The following PTPRF variants were observed in gnomAD, a reference collection of about 807,000 sequenced individuals.
PTPRF encodes receptor-type tyrosine-protein phosphatase F.
A neutral mutation model predicts 201.8 loss-of-function variants in PTPRF; 59 were observed. That is an observed-to-expected ratio of 0.29 (90% confidence interval 0.24 to 0.36). The LOEUF (loss-of-function observed/expected upper bound fraction) is 0.36. Ranked by LOEUF, PTPRF falls within the 10% of genes least tolerant of loss-of-function variation. PTPRF has a pLI of 1.00. For missense variants in PTPRF, 2,132 were observed against 2,690.5 expected (o/e 0.79, Z 4.59); for synonymous variants, 1,088 against 1,089.7 (o/e 1.00, Z 0.03).
chr1:43,535,716 A>T (rs1287063240), intron 1 of PTPRF, among the ~76,000 whole-genome samples: 1 of 152,162 alleles, frequency 6.6e-6, no homozygotes, highest in African/African-American at 2.4e-5. Context: ...GATATTGGAC[A>T]TGACTGTGGA....
At chr1:43,612,419 T>C (rs535524305) in intron 22 of PTPRF, among the ~76,000 whole-genome samples, 5 of 152,298 alleles carry the variant, frequency 3.3e-5, no homozygotes, top group Non-Finnish European at 7.4e-5. Context: ...GTGGAAATCA[T>C]CTGAAAATCG....
In PTPRF at chr1:43,606,218, C is replaced by T. The variant is rs772379423; in HGVS notation, c.3484-22C>T. ...CGGCATGCTCCAAGGCCCCTCATGA[C>T]CCCCATGCTCTGCTCTGCCAGCTTC... On this transcript the variant is annotated intron_variant, in intron 19 of 33. Transcript: ENST00000359947. 7 of 1,603,022 alleles carry T rather than the reference C, an allele frequency of 4.4e-6. No individual in the cohort carries two copies. The Admixed American group carries it at 8.4e-5, about 19-fold the overall frequency.
At position 43,545,047 on chromosome 1, in the gene PTPRF, T is replaced by C. The variant is rs1644575162; in HGVS notation, c.-29T>C. The stretch of plus-strand genomic sequence containing the variant: ...CCATTACAGGTTGATTGTCCTGGGC[T>C]GTGGCTGGCTGTGGAGCTAGAGCCC... On this transcript the variant is annotated 5_prime_UTR_variant, in exon 3 of 34. Transcript: ENST00000359947. The C allele has an allele frequency of 1.3e-6, 2 of 1,544,350 alleles. No individual in the cohort carries two copies. The highest frequency in any genetic ancestry group is 1.8e-6 in the Non-Finnish European group (2 of 1,140,236).
intron 6 of PTPRF, among the ~76,000 whole-genome samples, chr1:43,574,166 T>C (rs1646770913): frequency 6.6e-6 from 1 of 151,720 alleles, no homozygotes; most frequent in South Asian, 2.1e-4. Flanking sequence ...CTGGGTAATT[T>C]TGTATTTTTA....
intron 3 of PTPRF, among the ~76,000 whole-genome samples, chr1:43,548,198 A>G (rs997643952): frequency 6.6e-6 from 1 of 152,000 alleles, no homozygotes; most frequent in Non-Finnish European, 1.5e-5. Flanking sequence ...AATTCATGGG[A>G]GAGCCACAGT....
At chr1:43,621,289 T>C in intron 33 of PTPRF, 57 bp downstream of exon 33, 1 of 1,590,524 alleles carries the variant, frequency 6.3e-7, no homozygotes, top group South Asian at 1.1e-5. Context: ...CTGGGAACCC[T>C]AGGCTTTAGC....
intron 1 of PTPRF, among the ~76,000 whole-genome samples, chr1:43,532,021 C>T (rs1298334956): frequency 6.6e-6 from 1 of 152,184 alleles, no homozygotes; most frequent in African/African-American, 2.4e-5. Context: ...CCCCAGGTCT[C>T]TCGATTCTGT....
chr1:43,617,299 C>T (rs1464777081), intron 23 of PTPRF, 146 bp from the exon 24 acceptor site: 7 of 1,173,092 alleles, frequency 6.0e-6, no homozygotes, highest in Non-Finnish European at 8.4e-6. Flanking sequence ...AGCTCCATGG[C>T]TGGCACCACG....
intron 5 of PTPRF, among the ~76,000 whole-genome samples, chr1:43,568,802 G>A (rs911430111): frequency 2.6e-5 from 4 of 152,224 alleles, no homozygotes; most frequent in East Asian, 1.9e-4. Flanking sequence ...TCTGTGTGCC[G>A]CCAACCCCTA....
chr1:43,569,884 G>C (rs1646451925), intron 6 of PTPRF, 106 bp downstream of exon 6: 5 of 1,203,678 alleles, frequency 4.2e-6, no homozygotes, highest in Non-Finnish European at 4.5e-6. Flanking sequence ...CCAGGGCTGA[G>C]CGGAGGGTAC....
At position 43,622,157 on chromosome 1, in the gene PTPRF, C is replaced by T; in HGVS notation, c.*154C>T. 1.3e-6 allele frequency: 1 copy of T among 765,170 alleles called. No individual in the cohort carries two copies. Among genetic ancestry groups the T allele is most frequent in the Non-Finnish European group, 2.1e-6 (1 of 466,080 alleles). 47.4% of individuals were successfully genotyped at this position (765,170 alleles called of 1,614,324 possible). A position where few individuals can be genotyped will look rare whatever the true frequency, so the allele number is the denominator to read the frequency against. Reference sequence around the variant, plus strand: ...GGATCACAGCGTTTCAGGAACGTTGCCACACCAATCAGAGAGCCTAGAACA... The same window carrying T: ...GGATCACAGCGTTTCAGGAACGTTGTCACACCAATCAGAGAGCCTAGAACA... On this transcript the variant is annotated 3_prime_UTR_variant, in exon 34 of 34. Transcript: ENST00000359947.
At chr1:43,557,494 C>A (rs1210987510) in intron 5 of PTPRF, among the ~76,000 whole-genome samples, 1 of 152,138 alleles carries the variant, frequency 6.6e-6, no homozygotes, top group Non-Finnish European at 1.5e-5. Flanking sequence ...ATTAACTGGG[C>A]GTGGTGGCGC....
intron 21 of PTPRF, among the ~76,000 whole-genome samples, chr1:43,607,907 G>A (rs1463365902): frequency 6.6e-6 from 1 of 152,256 alleles, no homozygotes; most frequent in Admixed American, 6.5e-5. Flanking sequence ...AGCTGGGCCT[G>A]TGTGCCAAGC....
At chr1:43,614,338 G>A (rs55684236) in intron 23 of PTPRF, among the ~76,000 whole-genome samples, 39,156 of 152,132 alleles carry the variant, frequency 0.26, 6,013 homozygotes, top group Middle Eastern at 0.35. Flanking sequence ...AGCTCACGGG[G>A]AGTCGGGGCC....
At chr1:43,557,174 C>T (rs1388564294) in intron 5 of PTPRF, among the ~76,000 whole-genome samples, 1 of 152,202 alleles carries the variant, frequency 6.6e-6, no homozygotes, top group African/African-American at 2.4e-5. Flanking sequence ...GGAACAGGGC[C>T]TCCTTGTTAG....
intron 21 of PTPRF, among the ~76,000 whole-genome samples, chr1:43,607,185 C>T (rs1285318692): frequency 6.6e-6 from 1 of 152,218 alleles, no homozygotes; most frequent in African/African-American, 2.4e-5. Flanking sequence ...GCAGCCTGGG[C>T]GTGAGGAACT....
rs1292584776 is a variant in PTPRF at position 43,606,354 on chromosome 1, T to G, written c.3598T>G (p.Leu1200Val). ...GGATGTGCTCCCGGAGACCTTTACCTTGGGGGACAAGAAGAACTACCGGGG... is the reference window on the plus strand; with the variant it reads ...GGATGTGCTCCCGGAGACCTTTACCGTGGGGGACAAGAAGAACTACCGGGG... The part of the protein sequence containing the change: ...QLDVLPETFT[L>V]GDKKNYRGFY... Residue 1200 changes from leucine to valine, a missense_variant, in exon 20 of 34, where the codon TTG (leucine) becomes GTG (valine). Physicochemically the swap from Leu to Val is conservative, Grantham distance 32 (BLOSUM62 1). Coordinates refer to ENST00000359947, the MANE Select transcript of PTPRF (RefSeq NM_002840.5). 1.2e-6 allele frequency: 2 copies of G among 1,614,014 alleles called. No individual in the cohort carries two copies.
At chr1:43,617,168 G>A (rs1035106535) in intron 23 of PTPRF, among the ~76,000 whole-genome samples, 4 of 152,110 alleles carry the variant, frequency 2.6e-5, no homozygotes, top group Non-Finnish European at 5.9e-5. Context: ...GCAGGGCTTC[G>A]AGAGACCCTT....
intron 6 of PTPRF, among the ~76,000 whole-genome samples, chr1:43,576,436 G>C (rs952163568): frequency 9.2e-5 from 14 of 152,232 alleles, no homozygotes; most frequent in African/African-American, 3.4e-4. Context: ...TAGGAGGAAT[G>C]TTCACTTAAG....
Sources: gnomAD v4.1 joint callset for allele counts (sites outside exome capture counted in the v4.1 genomes callset) on GRCh38, gnomAD v4.1.1 for gene constraint, MANE v1.5 for transcripts, NCBI Gene and HGNC (gene_info 2026-07-23, HGNC 2026-07-21) for gene names.